Variants in SCLT1 observed in about 807,000 individuals in gnomAD.
SCLT1 encodes the protein sodium channel and clathrin linker 1.
Under a neutral mutation model 112.8 loss-of-function variants are expected in SCLT1, and 78 were observed. That is an observed-to-expected ratio of 0.69 (90% CI 0.58 to 0.83). The LOEUF (loss-of-function observed/expected upper bound fraction) is 0.83. SCLT1 is among the 40% of genes least tolerant of loss of function. SCLT1 has a pLI of 0.00. For synonymous variants in SCLT1, 257 were observed against 254.7 expected, an observed-to-expected ratio of 1.01 and a Z score of -0.09; for missense variants, 747 against 770.4, an observed-to-expected ratio of 0.97 and a Z score of 0.36.
At chr4:128,895,009 C>G (rs1733628873) in intron 18 of SCLT1, among the ~76,000 whole-genome samples, 1 of 152,156 alleles carries the variant, frequency 6.6e-6, no homozygotes, top group African/African-American at 2.4e-5. Flanking sequence ...ATCTCATTTA[C>G]CCTGAAAGAG....
chr4:128,904,437 TTGTA>T (rs1479173589), intron 18 of SCLT1, among the ~76,000 whole-genome samples: 1 of 152,170 alleles, frequency 6.6e-6, no homozygotes, highest in African/African-American at 2.4e-5. Flanking sequence ...GCAATTTATG[TTGTA>T]TGTATTAAAA....
chr4:128,934,942 A>C (rs1737066382), intron 18 of SCLT1, among the ~76,000 whole-genome samples: 1 of 152,002 alleles, frequency 6.6e-6, no homozygotes, highest in Non-Finnish European at 1.5e-5. Context: ...AATGTCTGCT[A>C]TAGAATAGAT....
At chr4:129,037,553 A>G (rs928008225) in intron 5 of SCLT1, 2 of 152,210 alleles carry the variant, frequency 1.3e-5, no homozygotes, top group African/African-American at 4.8e-5. Context: ...CTGCCATGGT[A>G]GTAATAGGGA....
downstream of SCLT1, among the ~76,000 whole-genome samples, chr4:128,883,452 C>T (rs927453527): frequency 1.3e-5 from 2 of 151,924 alleles, no homozygotes; most frequent in Non-Finnish European, 1.5e-5. Context: ...AAATACCTAA[C>T]GTAGATAACG....
At chr4:128,979,264 T>C (rs1187792027) in intron 9 of SCLT1, among the ~76,000 whole-genome samples, 3 of 152,184 alleles carry the variant, frequency 2.0e-5, no homozygotes, top group Non-Finnish European at 2.9e-5. Context: ...GCAAAATTCA[T>C]ATGTTGAAAT....
At chr4:129,046,783 C>A (rs1748223060) in intron 2 of SCLT1, among the ~76,000 whole-genome samples, 1 of 152,012 alleles carries the variant, frequency 6.6e-6, no homozygotes, top group Non-Finnish European at 1.5e-5. Context: ...ATTTACTCTC[C>A]CACAGGCAGT....
rs1742631494 is a variant in SCLT1, at chr4:128,992,182, A to C, written c.671T>G (p.Leu224Arg). The change falls in exon 9 of 21, where the codon CTC becomes CGC. Residue 224 changes from leucine to arginine, a missense_variant. Physicochemically the swap from Leu to Arg is moderately radical, Grantham distance 102. Transcript: ENST00000281142. ...TTGAAAATACCTAAGTTTTTTTCGG[A>C]GTTGTTCGATTATCACACTTTGTTC... The part of the protein sequence containing the change: ...VTEQSVIIEQ[L>R]RKKLRQAKLE... 1.9e-6 allele frequency: 3 copies of C among 1,591,842 alleles called. No individual in the cohort carries two copies. Among genetic ancestry groups the C allele is most frequent in the Non-Finnish European group, 2.6e-6 (3 of 1,166,612 alleles).
intron 5 of SCLT1, among the ~76,000 whole-genome samples, chr4:129,008,176 A>G (rs138811268): frequency 1.8e-3 from 281 of 152,240 alleles, no homozygotes; most frequent in Non-Finnish European, 2.9e-3. Context: ...ACTTTATTCT[A>G]GGATGATTTT....
intron 5 of SCLT1, among the ~76,000 whole-genome samples, chr4:129,015,087 C>A (rs759803943): frequency 2.0e-5 from 3 of 152,036 alleles, no homozygotes; most frequent in African/African-American, 4.8e-5. Context: ...GGAGTGCTGG[C>A]AGGGTGGGAC....
rs768357228 is a variant in SCLT1 at position 129,093,147 on chromosome 4, C to T, written c.-44G>A. On this transcript the variant is annotated 5_prime_UTR_variant, in exon 1 of 21. Transcript: ENST00000281142. ...TAGAGCTTTCACCACCTTTACCTTC[C>T]TCTGAAAGACAGAGAGCTTGCTGTG... 1.0e-5 allele frequency: 16 copies of T among 1,590,042 alleles called. 1 individual carries two copies. In the South Asian group the frequency reaches 1.8e-4, roughly 18 times the overall value.
intron 18 of SCLT1, among the ~76,000 whole-genome samples, chr4:128,931,616 C>T (rs895484078): frequency 6.6e-6 from 1 of 152,124 alleles, no homozygotes; most frequent in Non-Finnish European, 1.5e-5. Flanking sequence ...GCATCTGCCA[C>T]CACGCCCGGC....
At chr4:128,936,268 C>G (rs1376728070) in intron 18 of SCLT1, among the ~76,000 whole-genome samples, 1 of 152,080 alleles carries the variant, frequency 6.6e-6, no homozygotes, top group East Asian at 1.9e-4. Flanking sequence ...TGATCTCATT[C>G]CTATGTTGAA....
At chr4:129,090,512 T>C (rs34633860) in intron 1 of SCLT1, among the ~76,000 whole-genome samples, 13,425 of 152,244 alleles carry the variant, frequency 0.088, 762 homozygotes, top group South Asian at 0.15. Flanking sequence ...GAAGAAAATA[T>C]AGAAGAAATC....
At chr4:128,970,504 A>G (rs1439528175) in intron 9 of SCLT1, 36 bp from the exon 10 acceptor site, 1 of 1,069,710 alleles carries the variant, frequency 9.3e-7, no homozygotes, top group South Asian at 1.3e-5. Context: ...CACTGTTTTC[A>G]TAGACCACTA....
chr4:128,943,337 A>C lies in SCLT1; in HGVS notation c.1440-149T>G, dbSNP rs55815803. On this transcript the variant is annotated intron_variant, in intron 16 of 20. Transcript: ENST00000281142. ...TTAGACTGAAACTATGTGGTTTCAAAATGTTATGTTATACCAGGCAAATAC... is the reference window on the plus strand; with the variant it reads ...TTAGACTGAAACTATGTGGTTTCAACATGTTATGTTATACCAGGCAAATAC... 1,240 of 569,750 alleles carry C rather than the reference A, an allele frequency of 2.2e-3. 6 individuals are homozygous for C. Among genetic ancestry groups the C allele is most frequent in the African/African-American group, 0.022 (1,140 of 52,456 alleles). The allele number at this position is 569,750 out of a possible 1,614,324, so 35.3% of individuals were successfully genotyped here.
At chr4:128,914,351 G>A (rs1181705307) in intron 18 of SCLT1, among the ~76,000 whole-genome samples, 1 of 150,464 alleles carries the variant, frequency 6.6e-6, no homozygotes, top group Admixed American at 6.6e-5. Flanking sequence ...GCGAAAGAGC[G>A]AAACTCCGTC....
chr4:128,995,406 C>A (rs1232632495), intron 8 of SCLT1, among the ~76,000 whole-genome samples: 1 of 152,048 alleles, frequency 6.6e-6, no homozygotes, highest in Non-Finnish European at 1.5e-5. Flanking sequence ...ATTTTTAATT[C>A]CCTATCAGGT....
intron 5 of SCLT1, among the ~76,000 whole-genome samples, chr4:129,012,316 A>C (rs972982285): frequency 2.0e-5 from 3 of 152,122 alleles, no homozygotes; most frequent in Non-Finnish European, 4.4e-5. Flanking sequence ...AGGTTATTCA[A>C]CTTCCATGTA....
chr4:128,948,589 T>C lies in SCLT1; in HGVS notation c.1219-19A>G, dbSNP rs751876865. ...CACACTCCTATAAATTCAAGTCATA[T>C]TGTAAATATATACATTTGGTAACAT... On this transcript the variant is annotated intron_variant, in intron 14 of 20. Coordinates refer to ENST00000281142, the MANE Select transcript of SCLT1 (RefSeq NM_144643.4). 7.7e-6 allele frequency: 12 copies of C among 1,556,050 alleles called. No individual in the cohort carries two copies. Among genetic ancestry groups the C allele is most frequent in the East Asian group, 2.2e-5 (1 of 44,530 alleles).
Sources: gnomAD v4.1 joint callset for allele counts (sites outside exome capture counted in the v4.1 genomes callset) on GRCh38, gnomAD v4.1.1 for gene constraint, MANE v1.5 for transcripts, NCBI Gene and HGNC (gene_info 2026-07-23, HGNC 2026-07-21) for gene names.